Variants in FGF7 observed in about 807,000 individuals in gnomAD.
FGF7 encodes FGF-7.
In FGF7, 6 loss-of-function variants were observed where a neutral mutation model predicts 20.5. The observed-to-expected ratio is 0.29, with a 90% CI of 0.16 to 0.58. The LOEUF is 0.58. Among genes scored for constraint, FGF7 ranks in the 20% least tolerant of loss-of-function variants. The probability of loss-of-function intolerance (pLI) is 0.90; values close to 1 mark genes in which losing one functional copy is unlikely to be tolerated. For synonymous variants in FGF7, 64 were observed against 74.7 expected (o/e 0.86, Z 0.74); for missense variants, 144 against 228.8 (o/e 0.63, Z 2.39).
chr15:49,472,122 T>C (rs1365843727), intron 2 of FGF7, among the ~76,000 whole-genome samples: 2 of 151,638 alleles, frequency 1.3e-5, no homozygotes, highest in Non-Finnish European at 2.9e-5. Flanking sequence ...ACTGAAAAAA[T>C]AGGCTCCTGG....
intron 2 of FGF7, among the ~76,000 whole-genome samples, chr15:49,433,398 G>C (rs559721050): frequency 1.7e-4 from 25 of 151,120 alleles, no homozygotes; most frequent in African/African-American, 6.1e-4. Context: ...GAGGTGAAAG[G>C]GTAAAAGAGG....
intron 2 of FGF7, among the ~76,000 whole-genome samples, chr15:49,471,918 A>G (rs1477292733): frequency 6.6e-6 from 1 of 152,102 alleles, no homozygotes; most frequent in African/African-American, 2.4e-5. Flanking sequence ...GAAACTTGGA[A>G]TCCCTCGTGA....
chr15:49,452,438 C>T (rs1036750089), intron 2 of FGF7, among the ~76,000 whole-genome samples: 2 of 152,154 alleles, frequency 1.3e-5, no homozygotes, highest in East Asian at 1.9e-4. Flanking sequence ...TATTTCTATA[C>T]TTGCTATGGG....
chr15:49,436,592 A>G (rs58357997), intron 2 of FGF7, among the ~76,000 whole-genome samples: 2,617 of 151,688 alleles, frequency 0.017, 93 homozygotes, highest in African/African-American at 0.061. Flanking sequence ...AACACTTTAT[A>G]TACATTATTT....
At position 49,463,934 on chromosome 15, in the gene FGF7, T is replaced by C. The variant is rs947267948; in HGVS notation, c.287-19217T>C. Among the ~76,000 whole-genome samples the C allele has an allele frequency of 3.9e-4, 60 of 151,958 alleles. 1 individual carries two copies. Among genetic ancestry groups the C allele is most frequent in the Non-Finnish European group, 7.2e-4 (49 of 67,950 alleles). Reference sequence around the variant, plus strand: ...AACAAACAAGGTTTTTGTTTGTTTTTTGTTTGTTTGCTTTAGAGTTACTAT... The same window carrying C: ...AACAAACAAGGTTTTTGTTTGTTTTCTGTTTGTTTGCTTTAGAGTTACTAT... On this transcript the variant is annotated intron_variant, in intron 2 of 3. Coordinates refer to ENST00000267843, the MANE Select transcript of FGF7 (RefSeq NM_002009.4).
At chr15:49,452,022 C>T (rs1313437057) in intron 2 of FGF7, among the ~76,000 whole-genome samples, 1 of 151,788 alleles carries the variant, frequency 6.6e-6, no homozygotes, top group East Asian at 1.9e-4. Flanking sequence ...GACATAGATT[C>T]AAAATTTGAT....
At chr15:49,438,617 G>A (rs746536720) in intron 2 of FGF7, among the ~76,000 whole-genome samples, 3 of 151,690 alleles carry the variant, frequency 2.0e-5, no homozygotes, top group Non-Finnish European at 1.5e-5. Context: ...GAGGGAGCAC[G>A]AGGACAAGGA....
chr15:49,447,097 G>A lies in FGF7; in HGVS notation c.286+22514G>A, dbSNP rs576761762. Among the ~76,000 whole-genome samples, 8 of 151,574 alleles carry A rather than the reference G, an allele frequency of 5.3e-5. No individual in the cohort carries two copies. In the South Asian group the frequency reaches 1.7e-3, roughly 31 times the overall value. ...AACACTGAATAAAATCATGTTAAAGGTCAAATATGCAAGCCTGTGGTTTCC... is the reference window on the plus strand; with the variant it reads ...AACACTGAATAAAATCATGTTAAAGATCAAATATGCAAGCCTGTGGTTTCC... On this transcript the variant is annotated intron_variant, in intron 2 of 3. Coordinates refer to ENST00000267843, the MANE Select transcript of FGF7 (RefSeq NM_002009.4).
chr15:49,450,757 C>T (rs1467923066), intron 2 of FGF7, among the ~76,000 whole-genome samples: 6 of 152,026 alleles, frequency 3.9e-5, no homozygotes, highest in South Asian at 2.1e-4. Context: ...AATAACACTG[C>T]GTTTGTTATG....
intron 2 of FGF7, among the ~76,000 whole-genome samples, chr15:49,446,484 A>G (rs559389473): frequency 2.6e-5 from 4 of 151,730 alleles, no homozygotes; most frequent in African/African-American, 9.6e-5. Context: ...CTGAAAGAGA[A>G]TATTTCTGGG....
At chr15:49,482,423 G>C (rs1334282115) in intron 2 of FGF7, among the ~76,000 whole-genome samples, 1 of 151,974 alleles carries the variant, frequency 6.6e-6, no homozygotes, top group Non-Finnish European at 1.5e-5. Flanking sequence ...TCATAATTTT[G>C]TTTTAAATGG....
At chr15:49,475,408 G>T (rs1354182962) in intron 2 of FGF7, among the ~76,000 whole-genome samples, 1 of 152,160 alleles carries the variant, frequency 6.6e-6, no homozygotes, top group African/African-American at 2.4e-5. Context: ...CCTTTGAAAA[G>T]ATTTCAGAGT....
chr15:49,454,951 C>T (rs1198152463), intron 2 of FGF7, among the ~76,000 whole-genome samples: 4 of 152,126 alleles, frequency 2.6e-5, no homozygotes, highest in Non-Finnish European at 5.9e-5. Context: ...TTCAGTCTCA[C>T]CATGTTCCAT....
intron 2 of FGF7, among the ~76,000 whole-genome samples, chr15:49,439,462 T>C (rs2051424958): frequency 6.6e-6 from 1 of 151,734 alleles, no homozygotes; most frequent in Admixed American, 6.6e-5. Flanking sequence ...GTGTGAATAG[T>C]GAATACTAAG....
At chr15:49,428,579 G>C (rs913605734) in intron 2 of FGF7, among the ~76,000 whole-genome samples, 2 of 151,952 alleles carry the variant, frequency 1.3e-5, no homozygotes, top group African/African-American at 4.8e-5. Flanking sequence ...TCTTTAAGCT[G>C]AGTATTGAGG....
intron 2 of FGF7, among the ~76,000 whole-genome samples, chr15:49,438,021 G>GTT (rs2051273177): frequency 6.6e-6 from 1 of 151,610 alleles, no homozygotes; most frequent in Non-Finnish European, 1.5e-5. Context: ...AGAAGAAAGG[G>GTT]TATCTCTTCC....
intron 2 of FGF7, among the ~76,000 whole-genome samples, chr15:49,457,212 T>C (rs930689812): frequency 1.3e-5 from 2 of 152,026 alleles, no homozygotes; most frequent in African/African-American, 4.8e-5. Context: ...TTCATTGGAA[T>C]CAGGAGAAAG....
intron 3 of FGF7, among the ~76,000 whole-genome samples, chr15:49,484,066 G>A (rs1388065551): frequency 6.6e-6 from 1 of 151,868 alleles, no homozygotes; most frequent in Non-Finnish European, 1.5e-5. Context: ...CTTCCAAAAA[G>A]CTACACATAT....
chr15:49,468,521 G>A (rs138884087), intron 2 of FGF7, among the ~76,000 whole-genome samples: 10 of 152,188 alleles, frequency 6.6e-5, no homozygotes, highest in Admixed American at 3.3e-4. Flanking sequence ...GTGATCCAAC[G>A]ACAAGATTAG....
Sources: allele counts gnomAD v4.1 joint callset (sites outside exome capture counted in the v4.1 genomes callset), GRCh38; gene constraint gnomAD v4.1.1; transcripts MANE v1.5; gene names NCBI Gene and HGNC (gene_info 2026-07-23, HGNC 2026-07-21).